The following SCRN1 variants were observed in gnomAD, a reference collection of about 807,000 sequenced individuals.
SCRN1 encodes the protein secernin 1, also known as secernin-1.
A neutral mutation model predicts 43.3 loss-of-function variants in SCRN1; 19 were observed. That is an observed-to-expected ratio of 0.44 (90% CI 0.31 to 0.64). SCRN1 has a LOEUF of 0.64. SCRN1 is among the 30% of genes least tolerant of loss of function. SCRN1 has a pLI of 0.09. For synonymous variants in SCRN1, 183 were observed against 188.9 expected (o/e 0.97, Z 0.26); for missense variants, 447 against 524.1 (o/e 0.85, Z 1.44).
At chr7:29,942,255 G>C (rs1320875077) in intron 4 of SCRN1, among the ~76,000 whole-genome samples, 1 of 152,196 alleles carries the variant, frequency 6.6e-6, no homozygotes, top group Non-Finnish European at 1.5e-5. Context: ...TTGCTTTTAA[G>C]AATGTTAGCC....
chr7:29,976,869 G>A lies in SCRN1; in HGVS notation c.-1-7801C>T, dbSNP rs570415877. On this transcript the variant is annotated intron_variant, in intron 1 of 7. Transcript: ENST00000242059. ...AGGAGGCCCAAGTTCAGGCTTGAGG[G>A]ACTGGAGTACTGTACTCTCGTAACT... 2.6e-5 allele frequency among the ~76,000 whole-genome samples: 4 copies of A among 152,332 alleles called. No individual in the cohort carries two copies. The East Asian group carries it at 7.7e-4, about 29-fold the overall frequency.
intron 1 of SCRN1, among the ~76,000 whole-genome samples, chr7:29,975,595 T>C (rs1005425771): frequency 6.6e-6 from 1 of 152,266 alleles, no homozygotes; most frequent in Non-Finnish European, 1.5e-5. Flanking sequence ...GAAACTCTAA[T>C]TTTAAGTTTA....
chr7:29,938,742 T>C (rs1386397824), intron 5 of SCRN1, among the ~76,000 whole-genome samples: 1 of 152,248 alleles, frequency 6.6e-6, no homozygotes, highest in African/African-American at 2.4e-5. Flanking sequence ...CTATAACCTA[T>C]AGAAACAATG....
chr7:29,982,779 A>G (rs2127932651), intron 1 of SCRN1, among the ~76,000 whole-genome samples: 1 of 152,022 alleles, frequency 6.6e-6, no homozygotes, highest in South Asian at 2.1e-4. Flanking sequence ...TTCAGACTCC[A>G]AAATGCTCTT....
chr7:29,961,359 C>G (rs1788303644), intron 2 of SCRN1, among the ~76,000 whole-genome samples: 1 of 122,834 alleles, frequency 8.1e-6, no homozygotes, highest in South Asian at 3.2e-4. Flanking sequence ...GGACACAGCA[C>G]ATGTTTCAGA....
chr7:29,933,679 C>A lies in SCRN1; in HGVS notation c.905+2877G>T, dbSNP rs554027147. ...GGCATTCAAACTCTGACTTTAGCAT[C>A]TCCTTCCACTTCTCAACCTTACATA... On this transcript the variant is annotated intron_variant, in intron 6 of 7. Transcript: ENST00000242059. 1.8e-4 allele frequency among the ~76,000 whole-genome samples: 28 copies of A among 152,304 alleles called. No homozygotes were observed. In the South Asian group the frequency reaches 3.1e-3, roughly 17 times the overall value.
chr7:29,958,507 T>C (rs1788206873), intron 2 of SCRN1, among the ~76,000 whole-genome samples: 1 of 152,182 alleles, frequency 6.6e-6, no homozygotes, highest in African/African-American at 2.4e-5. Context: ...CAAAAGAGGT[T>C]TCTCTAGGTA....
At chr7:29,924,631 C>G (rs1786880935) in intron 7 of SCRN1, among the ~76,000 whole-genome samples, 1 of 152,234 alleles carries the variant, frequency 6.6e-6, no homozygotes, top group Non-Finnish European at 1.5e-5. Context: ...TGGCTTGCCT[C>G]TGCAGCTGTG....
chr7:29,988,276 CCA>C (rs1358133856), intron 1 of SCRN1, among the ~76,000 whole-genome samples: 8 of 152,152 alleles, frequency 5.3e-5, no homozygotes, highest in South Asian at 4.1e-4. Flanking sequence ...ACATCAGCAG[CCA>C]CAGAGTCAAC....
chr7:29,934,283 A>G (rs1412234934), intron 6 of SCRN1, among the ~76,000 whole-genome samples: 1 of 152,154 alleles, frequency 6.6e-6, no homozygotes, highest in African/African-American at 2.4e-5. Flanking sequence ...AGCCATTTTT[A>G]TAACTGGATT....
chr7:29,938,111 C>T (rs1426183914), intron 5 of SCRN1, among the ~76,000 whole-genome samples: 2 of 152,144 alleles, frequency 1.3e-5, no homozygotes, highest in Non-Finnish European at 2.9e-5. Context: ...TCACTGCATC[C>T]TCCGCCTCCC....
intron 3 of SCRN1, among the ~76,000 whole-genome samples, chr7:29,952,235 C>T (rs892120817): frequency 6.6e-6 from 1 of 152,226 alleles, no homozygotes; most frequent in Admixed American, 6.5e-5. Flanking sequence ...TAGGGACCGA[C>T]AATTTACATT....
At chr7:29,983,154 T>A (rs981257229) in intron 1 of SCRN1, among the ~76,000 whole-genome samples, 1 of 151,788 alleles carries the variant, frequency 6.6e-6, no homozygotes, top group African/African-American at 2.4e-5. Context: ...TGTCTCTTCT[T>A]TGGTGTGAGC....
At chr7:29,963,611 T>A (rs191496773) in intron 2 of SCRN1, among the ~76,000 whole-genome samples, 1 of 151,608 alleles carries the variant, frequency 6.6e-6, no homozygotes, top group Non-Finnish European at 1.5e-5. Context: ...TTATAAAAGC[T>A]TTACCCTATG....
intron 6 of SCRN1, among the ~76,000 whole-genome samples, chr7:29,934,448 T>C (rs1482834140): frequency 2.6e-5 from 4 of 152,184 alleles, no homozygotes; most frequent in South Asian, 2.1e-4. Flanking sequence ...AAGGGTCCTG[T>C]TCCCTAAAAA....
At chr7:29,942,101 C>A (rs1452527492) in intron 4 of SCRN1, among the ~76,000 whole-genome samples, 1 of 152,138 alleles carries the variant, frequency 6.6e-6, no homozygotes, top group East Asian at 1.9e-4. Context: ...CATAAAAGTA[C>A]AATTATAAAC....
At chr7:29,932,439 G>A (rs1038677515) in intron 6 of SCRN1, among the ~76,000 whole-genome samples, 1 of 152,030 alleles carries the variant, frequency 6.6e-6, no homozygotes, top group Non-Finnish European at 1.5e-5. Context: ...GATCACCTGA[G>A]GTCAGGACTT....
At position 29,989,786 on chromosome 7, in the gene SCRN1, C is replaced by G. The variant is rs1372024844; in HGVS notation, c.-146G>C. On this transcript the variant is annotated 5_prime_UTR_variant, in exon 1 of 8. Transcript: ENST00000242059. ...TGGCGGAGGCGGCCGCCGGGCGCTT[C>G]CCCCTACCCAGACTCCCGGCGCTGG... The G allele has an allele frequency of 5.1e-6, 5 of 987,056 alleles. No homozygotes were observed. Among genetic ancestry groups the G allele is most frequent in the Non-Finnish European group, 4.8e-6 (4 of 831,228 alleles). 61.1% of individuals were successfully genotyped at this position (987,056 alleles called of 1,614,324 possible).
chr7:29,977,190 C>A (rs1257758389), intron 1 of SCRN1, among the ~76,000 whole-genome samples: 1 of 152,218 alleles, frequency 6.6e-6, no homozygotes, highest in African/African-American at 2.4e-5. Context: ...CGATGACCAA[C>A]TGCCTTTACT....
Sources: allele counts gnomAD v4.1 joint callset (sites outside exome capture counted in the v4.1 genomes callset), GRCh38; gene constraint gnomAD v4.1.1; transcripts MANE v1.5; gene names NCBI Gene and HGNC (gene_info 2026-07-23, HGNC 2026-07-21).